The following TEAD1 variants were observed in gnomAD, a reference collection of about 807,000 sequenced individuals.
TEAD1 encodes the protein TEA domain transcription factor 1, also known as transcriptional enhancer factor TEF-1.
A neutral mutation model predicts 54.9 loss-of-function variants in TEAD1; 9 were observed. That is an observed-to-expected ratio of 0.16 (90% CI 0.10 to 0.29). TEAD1 has a LOEUF of 0.29. TEAD1 is among the 10% of genes least tolerant of loss of function. TEAD1 has a pLI of 1.00. For missense variants in TEAD1, 387 were observed against 535.9 expected (o/e 0.72, Z 2.74); for synonymous variants, 200 against 187.8 (o/e 1.07, Z -0.53).
intron 10 of TEAD1, among the ~76,000 whole-genome samples, chr11:12,902,470 T>C (rs1199471162): frequency 6.6e-6 from 1 of 152,218 alleles, no homozygotes; most frequent in Admixed American, 6.5e-5. Context: ...GTATACTTCA[T>C]TTGTGCTTTA....
intron 11 of TEAD1, 33 bp from the exon 12 acceptor site, chr11:12,930,141 T>C (rs1372177800): frequency 6.2e-7 from 1 of 1,614,100 alleles, no homozygotes; most frequent in South Asian, 1.1e-5. Context: ...GAGTCAAAAG[T>C]GTAAAAATAC....
At chr11:12,813,891 G>A (rs1946359021) in intron 3 of TEAD1, among the ~76,000 whole-genome samples, 1 of 152,190 alleles carries the variant, frequency 6.6e-6, no homozygotes, top group Admixed American at 6.5e-5. Context: ...CCAAGGTGGA[G>A]GAGAGAGGAT....
At chr11:12,896,737 T>C (rs138229105) in intron 9 of TEAD1, among the ~76,000 whole-genome samples, 1 of 152,318 alleles carries the variant, frequency 6.6e-6, no homozygotes, top group East Asian at 1.9e-4. Context: ...TGAGAACATA[T>C]ATTTATTTGG....
intron 11 of TEAD1, among the ~76,000 whole-genome samples, chr11:12,928,078 C>G (rs1222692451): frequency 6.6e-6 from 1 of 152,080 alleles, no homozygotes; most frequent in Non-Finnish European, 1.5e-5. Flanking sequence ...TTATCAAATG[C>G]TTTTCAGCAA....
intron 2 of TEAD1, among the ~76,000 whole-genome samples, chr11:12,696,324 CTG>C (rs1207062788): frequency 6.6e-6 from 1 of 152,232 alleles, no homozygotes; most frequent in Non-Finnish European, 1.5e-5. Context: ...GAGTTAAACT[CTG>C]TCTCCTGCCT....
chr11:12,747,496 A>G (rs1447737857), intron 2 of TEAD1, among the ~76,000 whole-genome samples: 1 of 151,972 alleles, frequency 6.6e-6, no homozygotes, highest in Non-Finnish European at 1.5e-5. Flanking sequence ...CACCACACCC[A>G]TCTAATTTTT....
chr11:12,707,233 G>A (rs534022939), intron 2 of TEAD1, among the ~76,000 whole-genome samples: 1 of 146,882 alleles, frequency 6.8e-6, no homozygotes, highest in South Asian at 2.2e-4. Flanking sequence ...CGCAGTTGAT[G>A]TCTTCTTTTA....
chr11:12,879,563 T>C, intron 5 of TEAD1, 145 bp from the exon 6 acceptor site: 1 of 946,212 alleles, frequency 1.1e-6, no homozygotes, highest in South Asian at 1.3e-5. Flanking sequence ...GCCTTCTGGC[T>C]GTGTTATTTA....
At chr11:12,819,703 G>A (rs1027901380) in intron 3 of TEAD1, among the ~76,000 whole-genome samples, 5 of 151,760 alleles carry the variant, frequency 3.3e-5, no homozygotes, top group Non-Finnish European at 7.4e-5. Context: ...CGCCCGCCTC[G>A]GTCTCCCAAA....
At chr11:12,861,590 AC>A (rs1309204152) in intron 3 of TEAD1, among the ~76,000 whole-genome samples, 3 of 152,202 alleles carry the variant, frequency 2.0e-5, no homozygotes, top group African/African-American at 7.2e-5. Context: ...CTAGAAGAGA[AC>A]TGGGTTTGTT....
intron 10 of TEAD1, among the ~76,000 whole-genome samples, chr11:12,914,006 T>C (rs1402031992): frequency 6.6e-6 from 1 of 152,232 alleles, no homozygotes; most frequent in East Asian, 1.9e-4. Context: ...CTTGCCTCTA[T>C]TGGAAAGAAC....
intron 9 of TEAD1, among the ~76,000 whole-genome samples, chr11:12,888,347 A>G (rs376850021): frequency 2.0e-5 from 3 of 152,206 alleles, no homozygotes; most frequent in African/African-American, 7.2e-5. Flanking sequence ...TATCTCTACT[A>G]AAAATACAAA....
chr11:12,924,265 T>G (rs904120261), intron 10 of TEAD1, among the ~76,000 whole-genome samples: 1 of 150,882 alleles, frequency 6.6e-6, no homozygotes, highest in Admixed American at 6.5e-5. Context: ...TTGCTGCAAC[T>G]CTAAGTATCT....
intron 3 of TEAD1, among the ~76,000 whole-genome samples, chr11:12,806,180 C>T (rs1946167632): frequency 6.6e-6 from 1 of 152,220 alleles, no homozygotes; most frequent in Non-Finnish European, 1.5e-5. Context: ...TTAATAATAA[C>T]TTGGAACCCA....
chr11:12,792,781 C>T (rs1191535470), intron 3 of TEAD1, among the ~76,000 whole-genome samples: 1 of 152,174 alleles, frequency 6.6e-6, no homozygotes, highest in African/African-American at 2.4e-5. Flanking sequence ...ATGAGCTGGG[C>T]ATGGTGACTC....
At chr11:12,836,347 C>T (rs1278803996) in intron 3 of TEAD1, among the ~76,000 whole-genome samples, 1 of 150,030 alleles carries the variant, frequency 6.7e-6, no homozygotes, top group Non-Finnish European at 1.5e-5. Context: ...GTGAACCGGG[C>T]AGGCGGAGCT....
intron 5 of TEAD1, among the ~76,000 whole-genome samples, chr11:12,875,997 T>G (rs1317069420): frequency 1.3e-5 from 2 of 152,228 alleles, no homozygotes; most frequent in African/African-American, 4.8e-5. Context: ...AGCTCATTAA[T>G]GTCAGGCAGG....
intron 3 of TEAD1, among the ~76,000 whole-genome samples, chr11:12,785,922 C>T (rs1472541962): frequency 1.3e-5 from 2 of 152,118 alleles, no homozygotes; most frequent in African/African-American, 4.8e-5. Flanking sequence ...TTGTCTCTTG[C>T]ACGTAGCGTA....
chr11:12,819,480 C>T (rs1040742407), intron 3 of TEAD1, among the ~76,000 whole-genome samples: 3 of 151,994 alleles, frequency 2.0e-5, no homozygotes, highest in Non-Finnish European at 4.4e-5. Flanking sequence ...GATGGAGTCT[C>T]GCTCTGTCAC....
Sources: gnomAD v4.1 joint callset for allele counts (sites outside exome capture counted in the v4.1 genomes callset) on GRCh38, gnomAD v4.1.1 for gene constraint, MANE v1.5 for transcripts, NCBI Gene and HGNC (gene_info 2026-07-23, HGNC 2026-07-21) for gene names.